Variants in PDZRN4 observed in about 807,000 individuals in gnomAD.
The protein encoded by PDZRN4 is PDZ domain-containing RING finger protein 4.
In PDZRN4, 70 loss-of-function variants were observed where a neutral mutation model predicts 99.0. The observed-to-expected ratio is 0.71, with a 90% CI of 0.58 to 0.86. The LOEUF (loss-of-function observed/expected upper bound fraction) is 0.86. Among genes scored for constraint, PDZRN4 ranks in the 40% least tolerant of loss-of-function variants. PDZRN4 has a pLI of 0.00. For missense variants in PDZRN4, 1,474 were observed against 1,331.2 expected (o/e 1.11, Z -1.67); for synonymous variants, 551 against 501.6 (o/e 1.10, Z -1.32).
intron 3 of PDZRN4, among the ~76,000 whole-genome samples, chr12:41,495,204 T>C (rs1937973602): frequency 6.6e-6 from 1 of 152,032 alleles, no homozygotes; most frequent in African/African-American, 2.4e-5. Flanking sequence ...GTGGAACAGT[T>C]ACCCAATTGG....
chr12:41,218,460 C>T (rs1243534284), intron 3 of PDZRN4, among the ~76,000 whole-genome samples: 4 of 152,052 alleles, frequency 2.6e-5, no homozygotes, highest in Non-Finnish European at 5.9e-5. Context: ...AGCAAATTTA[C>T]TTCTGATTTG....
chr12:41,437,826 T>C, intron 3 of PDZRN4: 20 of 1,586,140 alleles, frequency 1.3e-5, no homozygotes, highest in Non-Finnish European at 1.7e-5. Flanking sequence ...TCTGTGTTTC[T>C]GGACTGAAGT....
intron 3 of PDZRN4, among the ~76,000 whole-genome samples, chr12:41,222,357 T>C (rs1419168817): frequency 2.6e-5 from 4 of 152,172 alleles, no homozygotes; most frequent in Non-Finnish European, 5.9e-5. Flanking sequence ...TAGACTGCTA[T>C]CTGCCCTTAG....
intron 3 of PDZRN4, among the ~76,000 whole-genome samples, chr12:41,452,879 C>T (rs1344040905): frequency 2.0e-5 from 3 of 151,930 alleles, no homozygotes; most frequent in Non-Finnish European, 2.9e-5. Flanking sequence ...TTAAGTGGCC[C>T]CAGAAACAGG....
intron 3 of PDZRN4, among the ~76,000 whole-genome samples, chr12:41,424,681 T>C (rs955004167): frequency 6.6e-6 from 1 of 152,210 alleles, no homozygotes; most frequent in Non-Finnish European, 1.5e-5. Context: ...AGTAGTTTCA[T>C]GAAGAAAAGG....
chr12:41,572,502 G>A lies in PDZRN4; in HGVS notation c.1723G>A (p.Glu575Lys), dbSNP rs762428366. Residue 575 changes from glutamate to lysine, a missense_variant, in exon 10 of 10, where the codon GAG (glutamate) becomes AAG (lysine). Transcript: ENST00000402685. ...GAGCTCAGAGCAGGAGAATGCAGCC[G>A]AGGACCCCAATAGCACATCTTTGAA... is the stretch of plus-strand genomic sequence containing the variant. Reference protein sequence around the residue: ...DESSEQENAAEDPNSTSLKSK... With the variant: ...DESSEQENAAKDPNSTSLKSK... 2.4e-5 allele frequency: 39 copies of A among 1,613,954 alleles called. No individual in the cohort carries two copies. The highest frequency in any genetic ancestry group is 2.8e-5 in the Non-Finnish European group (33 of 1,180,012).
chr12:41,415,930 C>A (rs1186008469), intron 3 of PDZRN4, among the ~76,000 whole-genome samples: 1 of 152,122 alleles, frequency 6.6e-6, no homozygotes, highest in African/African-American at 2.4e-5. Flanking sequence ...GTATACTTTA[C>A]ATTCATTTTA....
chr12:41,368,149 C>T (rs1173673057), intron 3 of PDZRN4, among the ~76,000 whole-genome samples: 1 of 151,974 alleles, frequency 6.6e-6, no homozygotes, highest in East Asian at 1.9e-4. Flanking sequence ...AAGATCGTTC[C>T]TCACCATTTG....
At chr12:41,562,829 C>T (rs1007380498) in intron 7 of PDZRN4, among the ~76,000 whole-genome samples, 1 of 151,990 alleles carries the variant, frequency 6.6e-6, no homozygotes, top group Non-Finnish European at 1.5e-5. Flanking sequence ...TTTCACTCAT[C>T]ATTATTTTAA....
At chr12:41,215,771 TC>T (rs1245903021) in intron 3 of PDZRN4, among the ~76,000 whole-genome samples, 1 of 151,874 alleles carries the variant, frequency 6.6e-6, no homozygotes, top group Non-Finnish European at 1.5e-5. Context: ...CTCCACTTTC[TC>T]CCATAGTGGT....
At chr12:41,499,226 A>G (rs1251305357) in intron 3 of PDZRN4, among the ~76,000 whole-genome samples, 1 of 152,064 alleles carries the variant, frequency 6.6e-6, no homozygotes, top group Admixed American at 6.6e-5. Flanking sequence ...AACAGTAGAG[A>G]TCCTGGGTGA....
chr12:41,466,376 G>A (rs570043112), intron 3 of PDZRN4, among the ~76,000 whole-genome samples: 1 of 152,288 alleles, frequency 6.6e-6, no homozygotes, highest in South Asian at 2.1e-4. Context: ...AGAAAAGCAG[G>A]AGAAATTACA....
intron 3 of PDZRN4, among the ~76,000 whole-genome samples, chr12:41,303,102 A>G (rs1951547603): frequency 6.6e-6 from 1 of 152,020 alleles, no homozygotes; most frequent in African/African-American, 2.4e-5. Context: ...CTGAAGAATT[A>G]CCCACTAGAA....
At chr12:41,308,303 T>A (rs559745682) in intron 3 of PDZRN4, among the ~76,000 whole-genome samples, 3 of 152,310 alleles carry the variant, frequency 2.0e-5, no homozygotes, top group Admixed American at 1.3e-4. Context: ...AGCAGTGGAC[T>A]CTTTCCTATA....
chr12:41,468,550 T>TAAAA (rs1952952573), intron 3 of PDZRN4, among the ~76,000 whole-genome samples: 1 of 152,216 alleles, frequency 6.6e-6, no homozygotes, highest in South Asian at 2.1e-4. Flanking sequence ...GTACTTTTTT[T>TAAAA]GCTTACTCGC....
intron 3 of PDZRN4, among the ~76,000 whole-genome samples, chr12:41,285,627 G>A (rs561446943): frequency 6.6e-6 from 1 of 152,122 alleles, no homozygotes; most frequent in Non-Finnish European, 1.5e-5. Context: ...ACGTTAGACT[G>A]GACAAAGAAA....
chr12:41,494,814 G>A (rs545466471), intron 3 of PDZRN4, among the ~76,000 whole-genome samples: 1 of 152,196 alleles, frequency 6.6e-6, no homozygotes, highest in East Asian at 1.9e-4. Flanking sequence ...GTGTCAGGCT[G>A]CATTCAAATG....
At position 41,382,136 on chromosome 12, in the gene PDZRN4, C is replaced by T. The variant is rs114082365; in HGVS notation, c.844-124320C>T. 1.7e-3 allele frequency among the ~76,000 whole-genome samples: 260 copies of T among 152,288 alleles called. 2 individuals are homozygous for T. Among genetic ancestry groups the T allele is most frequent in the African/African-American group, 5.9e-3 (247 of 41,562 alleles). On this transcript the variant is annotated intron_variant, in intron 3 of 9. Coordinates refer to ENST00000402685, the MANE Select transcript of PDZRN4 (RefSeq NM_001164595.2). ...ATGTGGTGCTGCTAGTTGGACTCAG[C>T]AATTGGACTGAGCTTCAGAATGGGT...
In PDZRN4 at chr12:41,443,090, G is replaced by A. The variant is rs138198628; in HGVS notation, c.844-63366G>A. Among the ~76,000 whole-genome samples, 24 of 152,238 alleles carry A rather than the reference G, an allele frequency of 1.6e-4. No homozygotes were observed. In the East Asian group the frequency reaches 4.6e-3, roughly 29 times the overall value. Reference sequence around the variant, plus strand: ...AGTTCAAAAACTCTGTGTCAGCTCTGATTGCTTAATATGTGCCAAGCCCTG... The same window carrying A: ...AGTTCAAAAACTCTGTGTCAGCTCTAATTGCTTAATATGTGCCAAGCCCTG... On this transcript the variant is annotated intron_variant, in intron 3 of 9. Transcript: ENST00000402685.
Sources: gnomAD v4.1 joint callset for allele counts (sites outside exome capture counted in the v4.1 genomes callset) on GRCh38, gnomAD v4.1.1 for gene constraint, MANE v1.5 for transcripts, NCBI Gene and HGNC (gene_info 2026-07-23, HGNC 2026-07-21) for gene names.